DGLUCY: variants seen among roughly 807,000 people sequenced by gnomAD.
The protein encoded by DGLUCY is D-glutamate cyclase.
In DGLUCY, 58 loss-of-function variants were observed where a neutral mutation model predicts 58.5. The observed-to-expected ratio is 0.99, with a 90% CI of 0.80 to 1.23. The LOEUF (loss-of-function observed/expected upper bound fraction) is 1.23. DGLUCY is among the 50% of genes most tolerant of loss of function. The pLI, the probability that DGLUCY is intolerant of heterozygous loss-of-function variation, is 0.00. For synonymous variants in DGLUCY, 325 were observed against 314.1 expected (o/e 1.03, Z -0.37); for missense variants, 779 against 784.7 (o/e 0.99, Z 0.09).
At chr14:91,133,738 A>T (rs768128565) in intron 1 of DGLUCY, among the ~76,000 whole-genome samples, 7 of 152,144 alleles carry the variant, frequency 4.6e-5, no homozygotes, top group Non-Finnish European at 8.8e-5. Context: ...AGAGGGCTAC[A>T]CCATTTTACC....
At chr14:91,118,339 C>T (rs984705700) in intron 1 of DGLUCY, among the ~76,000 whole-genome samples, 44 of 152,048 alleles carry the variant, frequency 2.9e-4, no homozygotes, top group African/African-American at 1.0e-3. Context: ...AAGTGATCCA[C>T]CTGCCTCGGC....
intron 13 of DGLUCY, chr14:91,223,799 C>A: frequency 3.1e-6 from 3 of 969,614 alleles, no homozygotes; most frequent in South Asian, 1.4e-5. Flanking sequence ...TTTGCTTGTA[C>A]GTAATCCTCA....
In DGLUCY at chr14:91,122,168, A is replaced by AT. The variant is rs1257529946; in HGVS notation, c.-82+7896dup. Among the ~76,000 whole-genome samples, 327 of 142,130 alleles carry AT rather than the reference A, an allele frequency of 2.3e-3. 1 individual carries two copies. The highest frequency in any genetic ancestry group is 6.3e-3 in the African/African-American group (244 of 38,774). 93.2% of individuals were successfully genotyped at this position (142,130 alleles called of 152,430 possible). A position where few individuals can be genotyped will look rare whatever the true frequency, so the allele number is the denominator to read the frequency against. ...TTATTAAGGAGCTTTTTATTTTTTTATTTTTTTTTTTGAGACAGGGTCCCA... is the reference window on the plus strand; with the variant it reads ...TTATTAAGGAGCTTTTTATTTTTTTATTTTTTTTTTTTGAGACAGGGTCCCA... On this transcript the variant is annotated intron_variant, in intron 1 of 13. Coordinates refer to ENST00000256324, the MANE Select transcript of DGLUCY (RefSeq NM_001102368.3).
intron 1 of DGLUCY, among the ~76,000 whole-genome samples, chr14:91,126,981 G>A (rs563896466): frequency 2.9e-4 from 44 of 151,348 alleles, no homozygotes; most frequent in African/African-American, 9.9e-4. Flanking sequence ...ACACCCCAGT[G>A]TGGTACAGGC....
chr14:91,188,260 G>A (rs574832205), intron 8 of DGLUCY, among the ~76,000 whole-genome samples: 1 of 152,274 alleles, frequency 6.6e-6, no homozygotes, highest in South Asian at 2.1e-4. Context: ...GAACGAGCTT[G>A]GAGGTGTGTG....
At position 91,184,577 on chromosome 14, in the gene DGLUCY, TGGGG is replaced by T. The variant is rs1217191950; in HGVS notation, c.934+3195_934+3198del. On this transcript the variant is annotated intron_variant, in intron 8 of 13. Transcript: ENST00000256324. ...AAAGAAAGAAAGAAAGAAAGAAAGT[TGGGG>T]GGGGGGAGGGAGGGAGGGAGGGAGT... 2.9e-3 allele frequency among the ~76,000 whole-genome samples: 67 copies of T among 23,294 alleles called. 1 individual carries two copies. The highest frequency in any genetic ancestry group is 4.6e-3 in the Non-Finnish European group (52 of 11,220). The allele number at this position is 23,294 out of a possible 152,430, so 15.3% of individuals were successfully genotyped here.
intron 8 of DGLUCY, among the ~76,000 whole-genome samples, chr14:91,188,042 A>G (rs2049629534): frequency 1.3e-5 from 2 of 152,048 alleles, no homozygotes; most frequent in African/African-American, 2.4e-5. Flanking sequence ...GCTGTAACCT[A>G]GAAGCCCCGG....
At chr14:91,071,912 C>T (rs2043927131) in intron 1 of DGLUCY, among the ~76,000 whole-genome samples, 1 of 151,582 alleles carries the variant, frequency 6.6e-6, no homozygotes, top group Admixed American at 6.6e-5. Context: ...AACTCTTATA[C>T]TGTGAACATA....
chr14:91,172,753 TCTC>T (rs2048638067), intron 5 of DGLUCY, among the ~76,000 whole-genome samples: 1 of 151,488 alleles, frequency 6.6e-6, no homozygotes, highest in African/African-American at 2.4e-5. Flanking sequence ...TTCAAGCCGT[TCTC>T]CTGCCTCAGC....
At chr14:91,199,956 C>A in intron 11 of DGLUCY, 51 bp downstream of exon 11, 1 of 1,606,076 alleles carries the variant, frequency 6.2e-7, no homozygotes, top group South Asian at 1.1e-5. Flanking sequence ...CATGAAGTGT[C>A]TTTTGTTGTT....
At chr14:91,176,821 T>G (rs2048879789) in intron 7 of DGLUCY, among the ~76,000 whole-genome samples, 1 of 152,150 alleles carries the variant, frequency 6.6e-6, no homozygotes, top group African/African-American at 2.4e-5. Context: ...ACGCTGGTCT[T>G]GAACTCCTGG....
intron 1 of DGLUCY, among the ~76,000 whole-genome samples, chr14:91,101,972 CG>C (rs2044494180): frequency 6.6e-6 from 1 of 152,034 alleles, no homozygotes; most frequent in Non-Finnish European, 1.5e-5. Context: ...AAATTAGAGG[CG>C]TGAACCACTA....
chr14:91,149,344 G>T (rs953025489), intron 1 of DGLUCY, among the ~76,000 whole-genome samples: 1 of 152,184 alleles, frequency 6.6e-6, no homozygotes, highest in Non-Finnish European at 1.5e-5. Context: ...TGTGTATGCA[G>T]GTGGTGTCTC....
intron 13 of DGLUCY, among the ~76,000 whole-genome samples, chr14:91,222,387 C>T (rs190199897): frequency 6.6e-6 from 1 of 152,230 alleles, no homozygotes; most frequent in East Asian, 1.9e-4. Context: ...AGGAAATGGC[C>T]CCAGGAGTCC....
chr14:91,136,233 A>G (rs1034429327), intron 1 of DGLUCY, among the ~76,000 whole-genome samples: 3 of 151,076 alleles, frequency 2.0e-5, no homozygotes, highest in Non-Finnish European at 4.4e-5. Flanking sequence ...GAGCCCGGCC[A>G]CATTAGCATT....
Position 91,215,531 on chromosome 14 carries a change from C to G in DGLUCY, c.1691C>G (p.Thr564Ser). 6.2e-7 allele frequency: 1 copy of G among 1,613,984 alleles called. No homozygotes were observed. The highest frequency in any genetic ancestry group is 8.5e-7 in the Non-Finnish European group (1 of 1,179,844). The change falls in exon 13 of 14, where the codon ACT becomes AGT. Residue 564 changes from threonine (T) to serine (S), a missense_variant. Thr to Ser is a moderately conservative substitution (Grantham distance 58). Coordinates refer to ENST00000256324, the MANE Select transcript of DGLUCY (RefSeq NM_001102368.3). ...PSRAPGDQAW[T>S]QALPSVIKEE... ...AGGGCACCTGGAGATCAGGCCTGGA[C>G]TCAGGCCCTCCCGTCGGTCATTAAG...
At chr14:91,073,215 T>C (rs1174774905) in intron 1 of DGLUCY, among the ~76,000 whole-genome samples, 4 of 152,112 alleles carry the variant, frequency 2.6e-5, no homozygotes, top group Non-Finnish European at 4.4e-5. Flanking sequence ...CTGAGGCGGA[T>C]GGATTGCCTG....
At chr14:91,159,019 T>G (rs1489977378) in intron 2 of DGLUCY, 1 of 145,068 alleles carries the variant, frequency 6.9e-6, no homozygotes, top group African/African-American at 2.5e-5. Flanking sequence ...TTGGTAGACA[T>G]GGGTTTTTGC....
At chr14:91,096,624 A>G (rs2044398887) in intron 1 of DGLUCY, among the ~76,000 whole-genome samples, 1 of 152,152 alleles carries the variant, frequency 6.6e-6, no homozygotes, top group Admixed American at 6.5e-5. Context: ...GTCTGCCCTT[A>G]GAGTGTCGGG....
Sources: gnomAD v4.1 joint callset for allele counts (sites outside exome capture counted in the v4.1 genomes callset) on GRCh38, gnomAD v4.1.1 for gene constraint, MANE v1.5 for transcripts, NCBI Gene and HGNC (gene_info 2026-07-23, HGNC 2026-07-21) for gene names.